The following GPBP1L1 variants were observed in gnomAD, a reference collection of about 807,000 sequenced individuals.
GPBP1L1 encodes the protein vasculin-like protein 1.
A neutral mutation model predicts 52.5 loss-of-function variants in GPBP1L1; 23 were observed. The observed-to-expected ratio is 0.44, with a 90% CI of 0.32 to 0.62. The LOEUF (loss-of-function observed/expected upper bound fraction) is 0.62. Ranked by LOEUF, GPBP1L1 falls within the 20% of genes least tolerant of loss-of-function variation. GPBP1L1 has a pLI of 0.06. For synonymous variants in GPBP1L1, 243 were observed against 203.1 expected (o/e 1.20, Z -1.67); for missense variants, 596 against 579.3 (o/e 1.03, Z -0.30).
intron 2 of GPBP1L1, among the ~76,000 whole-genome samples, chr1:45,680,771 G>C (rs552628367): frequency 6.6e-6 from 1 of 152,128 alleles, no homozygotes; most frequent in East Asian, 1.9e-4. Context: ...TTAAATGAGT[G>C]AATGTATATA....
At chr1:45,669,727 T>G (rs1280534765) in intron 2 of GPBP1L1, among the ~76,000 whole-genome samples, 1 of 152,122 alleles carries the variant, frequency 6.6e-6, no homozygotes, top group Non-Finnish European at 1.5e-5. Context: ...AAAAAGAATG[T>G]AGTTCTCAGC....
intron 3 of GPBP1L1, among the ~76,000 whole-genome samples, chr1:45,659,903 T>A (rs1309951388): frequency 1.3e-5 from 2 of 152,116 alleles, no homozygotes; most frequent in Non-Finnish European, 2.9e-5. Flanking sequence ...ATTGCACCAC[T>A]GCACTCCAGC....
rs768434990 is a variant in GPBP1L1 at position 45,634,248 on chromosome 1, G to C, written c.745-12C>G. 1.9e-5 allele frequency: 31 copies of C among 1,598,932 alleles called. No individual in the cohort carries two copies. The highest frequency in any genetic ancestry group is 2.6e-5 in the Non-Finnish European group (30 of 1,171,284). On this transcript the variant is annotated splice_polypyrimidine_tract_variant and intron_variant, in intron 8 of 12. Transcript: ENST00000355105. ...TTCCATGCATTAGGCTACACAGGGT[G>C]AAAGAACAAATCAGTCAGAACAAGC...
At chr1:45,665,364 G>C (rs1644996992) in intron 2 of GPBP1L1, among the ~76,000 whole-genome samples, 1 of 152,112 alleles carries the variant, frequency 6.6e-6, no homozygotes, top group South Asian at 2.1e-4. Context: ...TCAAAGGGGA[G>C]GTGTGTTCTA....
chr1:45,629,589 A>G lies in GPBP1L1; in HGVS notation c.1259T>C (p.Met420Thr), dbSNP rs773273845. The change falls in exon 12 of 13, where the codon ATG (methionine) becomes ACG (threonine). Residue 420 changes from methionine to threonine, a missense_variant. By Grantham distance (81) the Met-to-Thr change is moderately conservative (BLOSUM62 -1). Transcript: ENST00000355105. The part of the protein sequence containing the change: ...LTEDELKEFH[M>T]KTEQLRRNGF... ...TTTACAACATACCTGCTCTGTCTTC[A>G]TGTGGAACTCTTTGAGCTCATCCTC... The G allele has an allele frequency of 3.7e-6, 6 of 1,605,926 alleles. No homozygotes were observed. The highest frequency in any genetic ancestry group is 1.7e-5 in the Admixed American group (1 of 59,914).
intron 6 of GPBP1L1, among the ~76,000 whole-genome samples, chr1:45,649,988 T>C (rs899461334): frequency 1.3e-5 from 2 of 152,234 alleles, no homozygotes; most frequent in African/African-American, 4.8e-5. Flanking sequence ...TTAAACTGTA[T>C]ACATTTCTTT....
chr1:45,636,807 G>A (rs1395468467), intron 8 of GPBP1L1, among the ~76,000 whole-genome samples: 3 of 152,212 alleles, frequency 2.0e-5, no homozygotes, highest in Non-Finnish European at 4.4e-5. Context: ...TTAAGTTTGA[G>A]TCAAAAGATT....
chr1:45,679,018 A>G (rs965924352), intron 2 of GPBP1L1, among the ~76,000 whole-genome samples: 46 of 152,206 alleles, frequency 3.0e-4, no homozygotes, highest in Admixed American at 2.7e-3. Flanking sequence ...TTGCATATCT[A>G]TATAGTCTAA....
In GPBP1L1 at chr1:45,671,209, C is replaced by CTTT. The variant is rs5773890; in HGVS notation, c.-1097-9987_-1097-9985dup. On this transcript the variant is annotated intron_variant, in intron 2 of 12. Coordinates refer to ENST00000355105, the MANE Select transcript of GPBP1L1 (RefSeq NM_021639.5). ...GCCTTAGCTATTCTTGGCTCTCTGG[C>CTTT]TTTTTTTTTTTTTTTTTTTTGAGAC... Among the ~76,000 whole-genome samples, 44 of 99,796 alleles carry CTTT rather than the reference C, an allele frequency of 4.4e-4. 1 individual carries two copies. The highest frequency in any genetic ancestry group is 9.5e-4 in the East Asian group (3 of 3,154). 65.5% of individuals were successfully genotyped at this position (99,796 alleles called of 152,430 possible).
Position 45,628,641 on chromosome 1 carries a change from G to A in GPBP1L1, c.1273-233C>T, listed in dbSNP as rs570228971. On this transcript the variant is annotated intron_variant, in intron 12 of 12. Transcript: ENST00000355105. Reference sequence around the variant, plus strand: ...TTCAGATTCAGAATGTCTGGGATGGGGCTTGAAAGTCCTTATTTCTTTTTA... The same window carrying A: ...TTCAGATTCAGAATGTCTGGGATGGAGCTTGAAAGTCCTTATTTCTTTTTA... Among the ~76,000 whole-genome samples the A allele has an allele frequency of 3.3e-5, 5 of 152,052 alleles. No homozygotes were observed. In the South Asian group the frequency reaches 1.0e-3, roughly 32 times the overall value.
At chr1:45,665,742 T>C (rs2148493038) in intron 2 of GPBP1L1, among the ~76,000 whole-genome samples, 2 of 90,890 alleles carry the variant, frequency 2.2e-5, no homozygotes, top group Middle Eastern at 6.3e-3. Flanking sequence ...AGACGCCGTC[T>C]TAAAAAAAAA....
chr1:45,662,167 T>C (rs745911865), intron 2 of GPBP1L1, among the ~76,000 whole-genome samples: 37 of 152,330 alleles, frequency 2.4e-4, no homozygotes, highest in Non-Finnish European at 4.1e-4. Context: ...TCTCACCCTA[T>C]TGCCTAGGCT....
intron 7 of GPBP1L1, 108 bp from the exon 8 acceptor site, chr1:45,640,511 A>T: frequency 1.2e-6 from 1 of 855,816 alleles, no homozygotes; most frequent in Non-Finnish European, 1.9e-6. Context: ...CAGTTGAGAC[A>T]GAGGGATTAA....
At position 45,660,511 on chromosome 1, in the gene GPBP1L1, G is replaced by A. The variant is rs1233344047; in HGVS notation, c.-383C>T. The A allele has an allele frequency of 4.1e-6, 4 of 983,628 alleles. No homozygotes were observed. In the African/African-American group the frequency reaches 7.0e-5, roughly 17 times the overall value. The allele number at this position is 983,628 out of a possible 1,614,324, so 60.9% of individuals were successfully genotyped here. A position where few individuals can be genotyped will look rare whatever the true frequency, so the allele number is the denominator to read the frequency against. On this transcript the variant is annotated 5_prime_UTR_variant, in exon 3 of 13. Coordinates refer to ENST00000355105, the MANE Select transcript of GPBP1L1 (RefSeq NM_021639.5). Reference sequence around the variant, plus strand: ...TGTTCACCTCATTCAACTTCCTTGAGTTATGGCACTATGATGTTGCTTAAT... The same window carrying A: ...TGTTCACCTCATTCAACTTCCTTGAATTATGGCACTATGATGTTGCTTAAT...
In GPBP1L1 at chr1:45,628,167, A is replaced by AT; in HGVS notation, c.*88dup. 1 of 1,241,118 alleles carries AT rather than the reference A, an allele frequency of 8.1e-7. No homozygotes were observed. Among genetic ancestry groups the AT allele is most frequent in the South Asian group, 1.3e-5 (1 of 75,292 alleles). The allele number at this position is 1,241,118 out of a possible 1,614,324, so 76.9% of individuals were successfully genotyped here. On this transcript the variant is annotated 3_prime_UTR_variant, in exon 13 of 13. Transcript: ENST00000355105. The stretch of plus-strand genomic sequence containing the variant: ...CCTTGTGAATGAAGTATTCAACAAC[A>AT]TAAGAAAAGGAAAAGAACGATTTCT...
Position 45,668,394 on chromosome 1 carries a change from C to T in GPBP1L1, c.-1097-7169G>A, listed in dbSNP as rs1400337126. On this transcript the variant is annotated intron_variant, in intron 2 of 12. Coordinates refer to ENST00000355105, the MANE Select transcript of GPBP1L1 (RefSeq NM_021639.5). Reference sequence around the variant, plus strand: ...CCTAGCCAGGTGCAGTGGCTCACGCCTGTCATCTCAGCACTCTGGGAGGCT... The same window carrying T: ...CCTAGCCAGGTGCAGTGGCTCACGCTTGTCATCTCAGCACTCTGGGAGGCT... 2.0e-5 allele frequency among the ~76,000 whole-genome samples: 3 copies of T among 152,334 alleles called. No individual in the cohort carries two copies. The East Asian group carries it at 5.8e-4, about 29-fold the overall frequency.
chr1:45,628,599 T>C (rs925110388), intron 12 of GPBP1L1, among the ~76,000 whole-genome samples, 191 bp from the exon 13 acceptor site: 30 of 152,190 alleles, frequency 2.0e-4, no homozygotes, highest in African/African-American at 7.0e-4. Flanking sequence ...CATCTACGCA[T>C]CTTTCAAAAA....
intron 2 of GPBP1L1, among the ~76,000 whole-genome samples, chr1:45,667,162 C>T (rs1463874576): frequency 6.6e-6 from 1 of 152,102 alleles, no homozygotes; most frequent in Non-Finnish European, 1.5e-5. Flanking sequence ...CATGGAATTG[C>T]ACACTTTTTT....
intron 2 of GPBP1L1, among the ~76,000 whole-genome samples, chr1:45,667,630 G>C (rs1340586240): frequency 6.6e-6 from 1 of 151,990 alleles, no homozygotes; most frequent in Non-Finnish European, 1.5e-5. Context: ...ATTCCTTCTG[G>C]TAACTTCAAC....
Sources: gnomAD v4.1 joint callset for allele counts (sites outside exome capture counted in the v4.1 genomes callset) on GRCh38, gnomAD v4.1.1 for gene constraint, MANE v1.5 for transcripts, NCBI Gene and HGNC (gene_info 2026-07-23, HGNC 2026-07-21) for gene names.